COL6A1: variants seen among roughly 807,000 people sequenced by gnomAD.
The protein encoded by COL6A1 is collagen type VI alpha 1 chain, also known as collagen alpha-1(VI) chain.
Under a neutral mutation model 145.6 loss-of-function variants are expected in COL6A1, and 80 were observed. That is an observed-to-expected ratio of 0.55 (90% CI 0.46 to 0.66). The LOEUF (loss-of-function observed/expected upper bound fraction) is 0.66, where lower values mean the gene tolerates loss of function less well. COL6A1 is among the 30% of genes least tolerant of loss of function. The pLI is 0.00. For missense variants in COL6A1, 1,364 were observed against 1,473.8 expected (o/e 0.93, Z 1.22); for synonymous variants, 638 against 622.8 (o/e 1.02, Z -0.36).
intron 8 of COL6A1, 93 bp downstream of exon 8, chr21:45,987,747 A>C: frequency 7.2e-7 from 1 of 1,393,338 alleles, no homozygotes; most frequent in South Asian, 1.3e-5. Context: ...GTCCACCATG[A>C]GGATCCAGAG....
In COL6A1 at chr21:45,997,409, A is replaced by C; in HGVS notation, c.1399-12A>C. On this transcript the variant is annotated splice_polypyrimidine_tract_variant and intron_variant, in intron 20 of 34. Transcript: ENST00000361866. The stretch of plus-strand genomic sequence containing the variant: ...GCCTGTGGTCCAACGTGCCATATCC[A>C]TCTCTCTACAGGGCGAGGCTGGCCC... The C allele has an allele frequency of 6.2e-7, 1 of 1,612,678 alleles. No homozygotes were observed. The highest frequency in any genetic ancestry group is 1.1e-5 in the South Asian group (1 of 91,034).
rs766411931 is a variant in COL6A1, at chr21:45,994,882, G to T, written c.1398+653G>T. ...GACAGGAAGGCCTCCACACGGTCACGCCCGGAGACAGCAAGTCTGTGCTCC... is the reference window on the plus strand; with the variant it reads ...GACAGGAAGGCCTCCACACGGTCACTCCCGGAGACAGCAAGTCTGTGCTCC... On this transcript the variant is annotated intron_variant, in intron 20 of 34. Coordinates refer to ENST00000361866, the MANE Select transcript of COL6A1 (RefSeq NM_001848.3). This position sits in a 1 kb window ranked among gnomAD's most constrained non-coding sequence, Gnocchi z 6.8. 4.6e-5 allele frequency among the ~76,000 whole-genome samples: 7 copies of T among 152,118 alleles called. No homozygotes were observed. The highest frequency in any genetic ancestry group is 7.4e-5 in the Non-Finnish European group (5 of 68,012).
At position 45,983,660 on chromosome 21, in the gene COL6A1, G is replaced by C. The variant is rs574152647; in HGVS notation, c.228-609G>C. ...GGCCAGGCCCGTGCGGCAGTGTTTGGGGGGGGGTCTGGCTGTGGATGGCAC... is the reference window on the plus strand; with the variant it reads ...GGCCAGGCCCGTGCGGCAGTGTTTGCGGGGGGGTCTGGCTGTGGATGGCAC... On this transcript the variant is annotated intron_variant, in intron 2 of 34. Coordinates refer to ENST00000361866, the MANE Select transcript of COL6A1 (RefSeq NM_001848.3). Among the ~76,000 whole-genome samples, 689 of 151,786 alleles carry C rather than the reference G, an allele frequency of 4.5e-3. 3 individuals are homozygous for C. The highest frequency in any genetic ancestry group is 7.9e-3 in the Non-Finnish European group (538 of 67,788).
At chr21:45,993,798 C>T (rs918251893) in intron 19 of COL6A1, among the ~76,000 whole-genome samples, 3 of 152,218 alleles carry the variant, frequency 2.0e-5, no homozygotes, top group African/African-American at 7.2e-5. Context: ...GACTGACAGC[C>T]AGGCAGAGCC....
intron 34 of COL6A1, 28 bp downstream of exon 34, chr21:46,003,177 G>C (rs777587115): frequency 1.2e-6 from 2 of 1,613,960 alleles, no homozygotes; most frequent in East Asian, 2.2e-5. Flanking sequence ...CGGGACACGT[G>C]GGGAGGAGGG....
intron 2 of COL6A1, among the ~76,000 whole-genome samples, chr21:45,983,403 G>T (rs1286943310): frequency 6.6e-6 from 1 of 151,422 alleles, no homozygotes; most frequent in Non-Finnish European, 1.5e-5. Flanking sequence ...TGAGGGGGGG[G>T]CATGTAGAAC....
In COL6A1 at chr21:45,986,588, G is replaced by A; in HGVS notation, c.491G>A (p.Gly164Asp). 1 of 1,563,640 alleles carries A rather than the reference G, an allele frequency of 6.4e-7. No individual in the cohort carries two copies. The highest frequency in any genetic ancestry group is 8.7e-7 in the Non-Finnish European group (1 of 1,154,182). Reference protein sequence around the residue: ...IVVTDGHPLEGYKEPCGGLED... With the variant: ...IVVTDGHPLEDYKEPCGGLED... The stretch of plus-strand genomic sequence containing the variant: ...GTGACCGACGGGCACCCCCTGGAGG[G>A]CTACAAGGAACCCTGTGGGGGGCTG... The change falls in exon 4 of 35, where the codon GGC (glycine) becomes GAC (aspartate). Residue 164 changes from glycine to aspartate, a missense_variant. Transcript: ENST00000361866.
intron 9 of COL6A1, 73 bp from the exon 10 acceptor site, chr21:45,989,535 T>G: frequency 1.4e-6 from 2 of 1,454,088 alleles, no homozygotes; most frequent in Non-Finnish European, 1.9e-6. Context: ...GAGGGAGGGG[T>G]GTGGGGCTGG....
intron 20 of COL6A1, among the ~76,000 whole-genome samples, chr21:45,996,625 GGGGCCAGGTGGGCCAGGT>G (rs369883259): frequency 6.6e-6 from 1 of 152,232 alleles, no homozygotes; most frequent in African/African-American, 2.4e-5. Context: ...GCTCATGGCT[GGGGCCAGGTGGGCCAGGT>G]GGGCCAGGTG....
rs2077783448 is a variant in COL6A1, at chr21:45,992,674, G to T, written c.1273-74G>T. 2.1e-6 allele frequency: 3 copies of T among 1,448,214 alleles called. No homozygotes were observed. In the South Asian group the frequency reaches 3.7e-5, roughly 18 times the overall value. The allele number at this position is 1,448,214 out of a possible 1,614,324, so 89.7% of individuals were successfully genotyped here. A position where few individuals can be genotyped will look rare whatever the true frequency, so the allele number is the denominator to read the frequency against. On this transcript the variant is annotated intron_variant, in intron 18 of 34. Coordinates refer to ENST00000361866, the MANE Select transcript of COL6A1 (RefSeq NM_001848.3). Reference sequence around the variant, plus strand: ...CTGCTGGGGGAGTCAGTCCAGGCCAGGCCTCAAGCCCCACCCCAGCTGGGT... The same window carrying T: ...CTGCTGGGGGAGTCAGTCCAGGCCATGCCTCAAGCCCCACCCCAGCTGGGT...
intron 2 of COL6A1, among the ~76,000 whole-genome samples, chr21:45,983,402 G>A (rs2077719575): frequency 6.6e-6 from 1 of 151,900 alleles, no homozygotes; most frequent in South Asian, 2.1e-4. Context: ...CTGAGGGGGG[G>A]GCATGTAGAA....
rs115463773 is a variant in COL6A1 at position 46,004,936 on chromosome 21, G to C, written c.*923G>C. 1 of 154,414 alleles carries C rather than the reference G, an allele frequency of 6.5e-6. No individual in the cohort carries two copies. Among genetic ancestry groups the C allele is most frequent in the East Asian group, 1.9e-4 (1 of 5,244 alleles). The allele number at this position is 154,414 out of a possible 1,614,324, so 9.6% of individuals were successfully genotyped here. On this transcript the variant is annotated 3_prime_UTR_variant, in exon 35 of 35. Coordinates refer to ENST00000361866, the MANE Select transcript of COL6A1 (RefSeq NM_001848.3). ...CCTTCCTCAGAATAGTGATGTGTTC[G>C]ACGTTTTATCAAAGGCCCCCTTTCT...
rs1171640040 is a variant in COL6A1 at position 45,986,644 on chromosome 21, G to A, written c.547G>A (p.Gly183Ser). Residue 183 changes from glycine to serine, a missense_variant, in exon 4 of 35, where the codon GGC becomes AGC. Transcript: ENST00000361866. The part of the protein sequence containing the change: ...EDAVNEAKHL[G>S]VKVFSVAITP... ...TGCTGTGAACGAGGCCAAGCACCTG[G>A]GCGTCAAAGTCTTCTCGGTGGCCAT... 2.4e-5 allele frequency: 38 copies of A among 1,551,876 alleles called. No homozygotes were observed. The highest frequency in any genetic ancestry group is 8.7e-7 in the Non-Finnish European group (1 of 1,147,968).
intron 22 of COL6A1, 35 bp from the exon 23 acceptor site, chr21:45,998,086 C>T (rs373970806): frequency 1.0e-4 from 161 of 1,609,738 alleles, no homozygotes; most frequent in Middle Eastern, 1.7e-4. Context: ...CAGGCCAGGC[C>T]GATTCGCACG....
chr21:45,986,061 C>T (rs1273712837), intron 3 of COL6A1, among the ~76,000 whole-genome samples: 1 of 152,228 alleles, frequency 6.6e-6, no homozygotes, highest in Non-Finnish European at 1.5e-5. Context: ...CCCACTTTCC[C>T]TTTCGGGGGG....
chr21:46,001,468 G>A lies in COL6A1; in HGVS notation c.1956+82G>A. The A allele has an allele frequency of 1.9e-6, 3 of 1,550,520 alleles. No homozygotes were observed. The South Asian group carries it at 3.3e-5, about 17-fold the overall frequency. On this transcript the variant is annotated intron_variant, in intron 30 of 34. Coordinates refer to ENST00000361866, the MANE Select transcript of COL6A1 (RefSeq NM_001848.3). ...CCGCCCCTGCCCGCGCCAGACCTCA[G>A]CCTCCCGAGGCCACCGCTGCATCCC...
chr21:45,982,071 CA>C (rs906114058), intron 1 of COL6A1, 124 bp downstream of exon 1: 1 of 821,818 alleles, frequency 1.2e-6, no homozygotes, highest in Admixed American at 2.2e-5. Flanking sequence ...CCCTGAACCC[CA>C]CTCCCCGCTC....
At chr21:45,991,823 G>A (rs896893871) in intron 15 of COL6A1, among the ~76,000 whole-genome samples, 187 bp from the exon 16 acceptor site, 2 of 152,204 alleles carry the variant, frequency 1.3e-5, no homozygotes, top group East Asian at 1.9e-4. Context: ...AACAAGGTTG[G>A]AGCATTCCAG....
intron 1 of COL6A1, among the ~76,000 whole-genome samples, 168 bp downstream of exon 1, chr21:45,982,115 G>A (rs1456900356): frequency 1.3e-5 from 2 of 152,136 alleles, no homozygotes; most frequent in African/African-American, 2.4e-5. Flanking sequence ...CTGCCCCACC[G>A]GGCCTTGGCC....
Sources: gnomAD v4.1 joint callset for allele counts (sites outside exome capture counted in the v4.1 genomes callset) on GRCh38, gnomAD v4.1.1 for gene constraint, Gnocchi (gnomAD v3.1) non-coding constraint, MANE v1.5 for transcripts, NCBI Gene and HGNC (gene_info 2026-07-23, HGNC 2026-07-21) for gene names.